AANAT: variants seen among roughly 807,000 people sequenced by gnomAD.
AANAT encodes the protein serotonin N-acetyltransferase.
A neutral mutation model predicts 15.6 loss-of-function variants in AANAT; 11 were observed. The observed-to-expected ratio is 0.71, with a 90% CI of 0.44 to 1.17. The LOEUF is 1.17. AANAT is among the 50% of genes most tolerant of loss of function. The pLI, the probability that AANAT is intolerant of heterozygous loss-of-function variation, is 0.00. For missense variants in AANAT, 286 were observed against 296.3 expected, an observed-to-expected ratio of 0.97 and a Z score of 0.26; for synonymous variants, 139 against 131.5, an observed-to-expected ratio of 1.06 and a Z score of -0.39.
At chr17:76,459,635 G>A (rs2073368623) in intron 2 of AANAT, among the ~76,000 whole-genome samples, 1 of 152,234 alleles carries the variant, frequency 6.6e-6, no homozygotes, top group Admixed American at 6.5e-5. Flanking sequence ...AGCTTCCGGA[G>A]TCACAGGGAC....
At chr17:76,465,916 G>A (rs2073432292), upstream of AANAT, 2 of 473,808 alleles carry the variant, frequency 4.2e-6, no homozygotes, top group East Asian at 4.2e-5. Flanking sequence ...GGAGTGCAGT[G>A]GCGAGTCACT....
At chr17:76,458,921 G>GTGGC (rs1176510187) in intron 1 of AANAT, among the ~76,000 whole-genome samples, 1 of 151,968 alleles carries the variant, frequency 6.6e-6, no homozygotes, top group African/African-American at 2.4e-5. Context: ...ACACCCTCAT[G>GTGGC]TGGCTGGCTG....
At chr17:76,455,117 A>G (rs952314317) in intron 1 of AANAT, among the ~76,000 whole-genome samples, 15 of 151,692 alleles carry the variant, frequency 9.9e-5, no homozygotes, top group African/African-American at 3.6e-4. Flanking sequence ...ACAGAGTGAG[A>G]TTCCGTCTCA....
chr17:76,468,012 G>A (rs561700745), intron 1 of AANAT, among the ~76,000 whole-genome samples: 114 of 151,366 alleles, frequency 7.5e-4, no homozygotes, highest in African/African-American at 2.3e-3. Context: ...TGCAGCCCCC[G>A]GCTCCCTCTA....
At chr17:76,458,947 G>C (rs942761348) in intron 1 of AANAT, among the ~76,000 whole-genome samples, 2 of 152,228 alleles carry the variant, frequency 1.3e-5, no homozygotes, top group South Asian at 4.1e-4. Context: ...ATGCCTCCGA[G>C]GCTCCAGCTG....
chr17:76,459,890 T>C (rs1256916526), intron 2 of AANAT, among the ~76,000 whole-genome samples: 2 of 152,256 alleles, frequency 1.3e-5, no homozygotes, highest in Admixed American at 1.3e-4. Flanking sequence ...ACCTCGGCTG[T>C]AGGCCCCTCA....
intron 2 of AANAT, among the ~76,000 whole-genome samples, chr17:76,461,096 C>T (rs1010645010): frequency 6.6e-6 from 1 of 151,320 alleles, no homozygotes; most frequent in Non-Finnish European, 1.5e-5. Flanking sequence ...ACCCGGGAGG[C>T]GGGGGTTTCA....
chr17:76,461,174 A>C (rs530714411), intron 2 of AANAT, among the ~76,000 whole-genome samples: 1 of 151,500 alleles, frequency 6.6e-6, no homozygotes, highest in African/African-American at 2.4e-5. Flanking sequence ...TAAAAAAAAA[A>C]CAAAAACAAA....
chr17:76,455,717 G>A (rs775318781), intron 1 of AANAT, among the ~76,000 whole-genome samples: 2 of 152,166 alleles, frequency 1.3e-5, no homozygotes, highest in Admixed American at 6.5e-5. Context: ...ACAGAACTAT[G>A]TTCATAGAAA....
chr17:76,456,285 C>T (rs59699527), intron 1 of AANAT, among the ~76,000 whole-genome samples: 3,688 of 148,624 alleles, frequency 0.025, 76 homozygotes, highest in African/African-American at 0.055. Flanking sequence ...GAGCCAAGAT[C>T]GAGCCATTGA....
upstream of AANAT, among the ~76,000 whole-genome samples, chr17:76,464,438 C>G (rs879340080): frequency 2.0e-5 from 3 of 151,852 alleles, no homozygotes; most frequent in Non-Finnish European, 4.4e-5. Context: ...TGGGAGAAAA[C>G]TGAACCCCAT....
chr17:76,463,762 CTGTTAA>C (rs2073411233), upstream of AANAT, among the ~76,000 whole-genome samples: 1 of 152,170 alleles, frequency 6.6e-6, no homozygotes, highest in African/African-American at 2.4e-5. Context: ...ACCTGTGTTC[CTGTTAA>C]TAACTCCTTT....
At chr17:76,463,028 G>T (rs892807894), upstream of AANAT, among the ~76,000 whole-genome samples, 1 of 152,142 alleles carries the variant, frequency 6.6e-6, no homozygotes, top group Non-Finnish European at 1.5e-5. Flanking sequence ...GTGTCTCCAT[G>T]CGGGAAGCTC....
At chr17:76,458,880 G>C (rs1325366828) in intron 1 of AANAT, among the ~76,000 whole-genome samples, 1 of 152,246 alleles carries the variant, frequency 6.6e-6, no homozygotes, top group Non-Finnish European at 1.5e-5. Context: ...GGGGGGTGGG[G>C]TGGGAGGTGA....
Position 76,469,123 on chromosome 17 carries a change from G to C in AANAT, c.164-50G>C. 6.2e-7 allele frequency: 1 copy of C among 1,608,096 alleles called. No homozygotes were observed. Among genetic ancestry groups the C allele is most frequent in the Non-Finnish European group, 8.5e-7 (1 of 1,176,402 alleles). Reference sequence around the variant, plus strand: ...GACACTCGGGGTGCAGCAGACAGTGGACGCGAGGCACAGCGACTACCAGTC... The same window carrying C: ...GACACTCGGGGTGCAGCAGACAGTGCACGCGAGGCACAGCGACTACCAGTC... On this transcript the variant is annotated intron_variant, in intron 2 of 3. Coordinates refer to ENST00000392492, the MANE Select transcript of AANAT (RefSeq NM_001088.3). This position sits in a 1 kb window ranked among gnomAD's most constrained non-coding sequence, Gnocchi z 5.2.
rs79761583 is a variant in AANAT at position 76,468,185 on chromosome 17, A to G, written c.-76+458A>G. Among the ~76,000 whole-genome samples, 645 of 152,256 alleles carry G rather than the reference A, an allele frequency of 4.2e-3. 6 individuals are homozygous for G. The highest frequency in any genetic ancestry group is 0.013 in the African/African-American group (530 of 41,550). ...TCTCTGCCACAGGATCTTGCACCCA[A>G]AGGACCAGAAGCCTCCCTCTGGGGA... On this transcript the variant is annotated intron_variant, in intron 1 of 3. Coordinates refer to ENST00000392492, the MANE Select transcript of AANAT (RefSeq NM_001088.3).
chr17:76,467,994 AG>A (rs2073457841), intron 1 of AANAT, among the ~76,000 whole-genome samples: 1 of 151,756 alleles, frequency 6.6e-6, no homozygotes, highest in Non-Finnish European at 1.5e-5. Context: ...CCCATTCCCC[AG>A]GCCCTCTGCA....
At chr17:76,463,368 T>G (rs2073407670), upstream of AANAT, among the ~76,000 whole-genome samples, 1 of 142,476 alleles carries the variant, frequency 7.0e-6, no homozygotes, top group African/African-American at 2.6e-5. Context: ...AGTGCAGTGG[T>G]GCAATCTTGG....
chr17:76,456,407 C>T (rs191317318), intron 1 of AANAT, among the ~76,000 whole-genome samples: 1 of 150,838 alleles, frequency 6.6e-6, no homozygotes, highest in Non-Finnish European at 1.5e-5. Context: ...AGGCCAAGTA[C>T]TAATAGAGTA....
Sources: allele counts gnomAD v4.1 joint callset (sites outside exome capture counted in the v4.1 genomes callset), GRCh38; gene constraint gnomAD v4.1.1; non-coding constraint Gnocchi (gnomAD v3.1); transcripts MANE v1.5; gene names NCBI Gene and HGNC (gene_info 2026-07-23, HGNC 2026-07-21).